The following STX8 variants were observed in gnomAD, a reference collection of about 807,000 sequenced individuals.
The protein encoded by STX8 is syntaxin 8, also known as syntaxin-8.
In STX8, 23 loss-of-function variants were observed where a neutral mutation model predicts 37.5. That is an observed-to-expected ratio of 0.61 (90% CI 0.44 to 0.87). The LOEUF is 0.87. Ranked by LOEUF, STX8 falls within the 40% of genes least tolerant of loss-of-function variation. The pLI is 0.00. For synonymous variants in STX8, 115 were observed against 99.1 expected (o/e 1.16, Z -0.95); for missense variants, 313 against 284.7 (o/e 1.10, Z -0.71).
At chr17:9,324,157 A>ACACACAC (rs1567783713) in intron 7 of STX8, among the ~76,000 whole-genome samples, 67 of 114,290 alleles carry the variant, frequency 5.9e-4, no homozygotes, top group Admixed American at 4.8e-3. Flanking sequence ...CACACACACA[A>ACACACAC]ACACAAACAC....
intron 6 of STX8, among the ~76,000 whole-genome samples, chr17:9,410,853 A>C (rs181235902): frequency 6.6e-6 from 1 of 152,328 alleles, no homozygotes; most frequent in Admixed American, 6.5e-5. Context: ...AGAAAAGCAA[A>C]ACTTATGTGT....
chr17:9,501,549 G>C (rs1466167350), intron 5 of STX8, among the ~76,000 whole-genome samples: 1 of 151,884 alleles, frequency 6.6e-6, no homozygotes, highest in Non-Finnish European at 1.5e-5. Context: ...AAATTAGCTG[G>C]GCATGGTGGT....
At chr17:9,396,129 T>G (rs1362484629) in intron 6 of STX8, among the ~76,000 whole-genome samples, 3 of 152,158 alleles carry the variant, frequency 2.0e-5, no homozygotes, top group Non-Finnish European at 1.5e-5. Context: ...ACATTTTCCA[T>G]TATTTTAGAA....
intron 4 of STX8, among the ~76,000 whole-genome samples, chr17:9,535,698 C>A (rs1426951632): frequency 2.0e-5 from 3 of 152,006 alleles, no homozygotes; most frequent in African/African-American, 7.3e-5. Flanking sequence ...TCCCAAAGTG[C>A]TGGGATTACA....
At chr17:9,391,262 C>T (rs575095361) in intron 6 of STX8, among the ~76,000 whole-genome samples, 28 of 147,656 alleles carry the variant, frequency 1.9e-4, no homozygotes, top group Non-Finnish European at 2.5e-4. Context: ...GAGACCAGCC[C>T]GGCCAACATG....
chr17:9,477,173 TA>T (rs1906140995), intron 6 of STX8, among the ~76,000 whole-genome samples: 1 of 152,112 alleles, frequency 6.6e-6, no homozygotes, highest in African/African-American at 2.4e-5. Context: ...TTCCTCTGCT[TA>T]AAAGGATACC....
intron 6 of STX8, among the ~76,000 whole-genome samples, chr17:9,451,252 T>C (rs2142402418): frequency 6.6e-6 from 1 of 152,330 alleles, no homozygotes; most frequent in Non-Finnish European, 1.5e-5. Context: ...CACATATATG[T>C]ATCTCTCTGT....
chr17:9,540,839 C>T (rs541551432), intron 4 of STX8: 43 of 152,340 alleles, frequency 2.8e-4, no homozygotes, highest in African/African-American at 1.0e-3. Flanking sequence ...ATCTTGAGAG[C>T]ATGTAAATAA....
In STX8 at chr17:9,329,530, G is replaced by A. The variant is rs74785726; in HGVS notation, c.643+49022C>T. On this transcript the variant is annotated intron_variant, in intron 7 of 7. Transcript: ENST00000306357. Reference sequence around the variant, plus strand: ...GCCATGAGCGTGTTAAGAGCAGAAAGACCCAATTATGAAGAATCCCCTGGA... The same window carrying A: ...GCCATGAGCGTGTTAAGAGCAGAAAAACCCAATTATGAAGAATCCCCTGGA... 4.6e-3 allele frequency among the ~76,000 whole-genome samples: 698 copies of A among 152,310 alleles called. 4 individuals carry two copies. Among genetic ancestry groups the A allele is most frequent in the African/African-American group, 0.016 (652 of 41,562 alleles).
chr17:9,563,403 C>T (rs1399895489), intron 2 of STX8, among the ~76,000 whole-genome samples: 1 of 151,984 alleles, frequency 6.6e-6, no homozygotes, highest in East Asian at 1.9e-4. Flanking sequence ...AGGCTTGTCC[C>T]AAACTCCTGA....
chr17:9,384,794 T>TTTGTGTGTGTGTG (rs141833380), intron 6 of STX8, among the ~76,000 whole-genome samples: 1 of 147,752 alleles, frequency 6.8e-6, no homozygotes, highest in South Asian at 2.2e-4. Flanking sequence ...CCAGATAGAC[T>TTTGTGTGTGTGTG]TGTGTGTGTG....
chr17:9,512,655 T>C (rs1396289652), intron 4 of STX8, among the ~76,000 whole-genome samples: 1 of 152,096 alleles, frequency 6.6e-6, no homozygotes, highest in Admixed American at 6.6e-5. Flanking sequence ...GGTTTCACCA[T>C]GTTGCCCAGG....
chr17:9,440,787 A>G (rs919532424), intron 6 of STX8, among the ~76,000 whole-genome samples: 3 of 152,088 alleles, frequency 2.0e-5, no homozygotes, highest in African/African-American at 7.2e-5. Context: ...GGCCTCCCAA[A>G]GTGCTGGGAT....
intron 7 of STX8, among the ~76,000 whole-genome samples, chr17:9,356,960 GTTTTT>G (rs140965935): frequency 9.7e-5 from 6 of 61,750 alleles, no homozygotes; most frequent in Admixed American, 4.9e-4. Context: ...CCTTTTAACA[GTTTTT>G]TTTTTTTTTT....
At position 9,250,634 on chromosome 17, in the gene STX8, C is replaced by T. The variant is rs1334388512; in HGVS notation, c.655G>A (p.Val219Met). 1.3e-6 allele frequency: 2 copies of T among 1,597,988 alleles called. No homozygotes were observed. Among genetic ancestry groups the T allele is most frequent in the African/African-American group, 2.7e-5 (2 of 74,932 alleles). Reference sequence around the variant, plus strand: ...ATAGCCACAAGCAGCAGTAAAATCACCATGATCATCCCTGGAAAAAAGCAG... The same window carrying T: ...ATAGCCACAAGCAGCAGTAAAATCATCATGATCATCCCTGGAAAAAAGCAG... ...RKSASCGMIM[V>M]ILLLLVAIVV... is the part of the protein sequence containing the mutation. The change falls in exon 8 of 8, where the codon GTG becomes ATG. Residue 219 changes from valine to methionine, a missense_variant. By Grantham distance (21) the Val-to-Met change is conservative (BLOSUM62 1). Transcript: ENST00000306357.
chr17:9,387,426 A>C (rs1313441330), intron 6 of STX8, among the ~76,000 whole-genome samples: 5 of 151,968 alleles, frequency 3.3e-5, no homozygotes, highest in Non-Finnish European at 7.4e-5. Flanking sequence ...CTCCCGAGTA[A>C]TGGGACTACA....
At chr17:9,462,233 C>T (rs1905419092) in intron 6 of STX8, among the ~76,000 whole-genome samples, 1 of 152,038 alleles carries the variant, frequency 6.6e-6, no homozygotes, top group Non-Finnish European at 1.5e-5. Flanking sequence ...CACACAGAGG[C>T]CAAGCGCATG....
chr17:9,380,252 G>GTT (rs1316019495), intron 6 of STX8, among the ~76,000 whole-genome samples: 1 of 123,108 alleles, frequency 8.1e-6, no homozygotes, highest in African/African-American at 3.6e-5. Flanking sequence ...GAATTTCTGT[G>GTT]TGTTTTTTTT....
chr17:9,555,188 G>A (rs1388364130), intron 3 of STX8: 2 of 152,090 alleles, frequency 1.3e-5, no homozygotes, highest in Non-Finnish European at 2.9e-5. Context: ...GATGCTTACT[G>A]CTTAATTCAG....
Sources: allele counts gnomAD v4.1 joint callset (sites outside exome capture counted in the v4.1 genomes callset), GRCh38; gene constraint gnomAD v4.1.1; transcripts MANE v1.5; gene names NCBI Gene and HGNC (gene_info 2026-07-23, HGNC 2026-07-21).